The following EPHB2 variants were observed in gnomAD, a reference collection of about 807,000 sequenced individuals.
EPHB2 encodes EPH receptor B2, also known as ephrin type-B receptor 2.
Under a neutral mutation model 96.4 loss-of-function variants are expected in EPHB2, and 18 were observed. That is an observed-to-expected ratio of 0.19 (90% CI 0.13 to 0.28). EPHB2 has a LOEUF of 0.28. Among genes scored for constraint, EPHB2 ranks in the 10% least tolerant of loss-of-function variants. The pLI, the probability that EPHB2 is intolerant of heterozygous loss-of-function variation, is 1.00. For missense variants in EPHB2, 989 were observed against 1,355.4 expected, an observed-to-expected ratio of 0.73 and a Z score of 4.25; for synonymous variants, 506 against 534.1, an observed-to-expected ratio of 0.95 and a Z score of 0.72.
At chr1:22,806,783 GC>G (rs1450524817) in intron 3 of EPHB2, among the ~76,000 whole-genome samples, 1 of 152,244 alleles carries the variant, frequency 6.6e-6, no homozygotes, top group Non-Finnish European at 1.5e-5. Flanking sequence ...AGCCTGCACT[GC>G]CTCCAACCTC....
chr1:22,879,846 G>T (rs908658271), intron 5 of EPHB2, among the ~76,000 whole-genome samples: 1 of 152,260 alleles, frequency 6.6e-6, no homozygotes. Context: ...CCCTGGCAGG[G>T]CAAGGAGCCG....
intron 3 of EPHB2, among the ~76,000 whole-genome samples, chr1:22,847,760 A>G (rs1448930104): frequency 7.0e-6 from 1 of 142,378 alleles, no homozygotes; most frequent in Non-Finnish European, 1.5e-5. Flanking sequence ...ATAATCCCAG[A>G]TCAACTGTCT....
chr1:22,826,042 A>G (rs1464011080), intron 3 of EPHB2, among the ~76,000 whole-genome samples: 2 of 152,096 alleles, frequency 1.3e-5, no homozygotes, highest in African/African-American at 4.8e-5. Flanking sequence ...CAGCTCAGGG[A>G]TTTAAGCTGT....
At chr1:22,776,746 A>G (rs115702545) in intron 1 of EPHB2, among the ~76,000 whole-genome samples, 2,415 of 152,360 alleles carry the variant, frequency 0.016, 71 homozygotes, top group African/African-American at 0.056. Flanking sequence ...AAAAGTAGTA[A>G]CTAAATAATT....
At chr1:22,769,089 T>C (rs1644344707) in intron 1 of EPHB2, among the ~76,000 whole-genome samples, 1 of 152,188 alleles carries the variant, frequency 6.6e-6, no homozygotes, top group Non-Finnish European at 1.5e-5. Flanking sequence ...AAGTTACCAT[T>C]CACTGGCCCC....
chr1:22,717,080 G>C (rs368634307), intron 1 of EPHB2, among the ~76,000 whole-genome samples: 1 of 152,236 alleles, frequency 6.6e-6, no homozygotes, highest in South Asian at 2.1e-4. Flanking sequence ...TGGGAAAGAG[G>C]AAGAGAAACC....
chr1:22,782,817 G>A (rs890458165), intron 2 of EPHB2, among the ~76,000 whole-genome samples: 5 of 152,142 alleles, frequency 3.3e-5, no homozygotes, highest in South Asian at 2.1e-4. Context: ...CTTCAGAGTC[G>A]CCATTGAAGA....
intron 6 of EPHB2, among the ~76,000 whole-genome samples, chr1:22,884,619 C>CA (rs10599403): frequency 0.029 from 2,538 of 87,060 alleles, 50 homozygotes; most frequent in African/African-American, 0.035. Flanking sequence ...GATGCTGTCT[C>CA]AAAAAAAAAA....
At chr1:22,788,447 TGCTGCTGTCACCCAGATGTGAG>T (rs1010777916) in intron 3 of EPHB2, among the ~76,000 whole-genome samples, 3 of 152,248 alleles carry the variant, frequency 2.0e-5, no homozygotes, top group African/African-American at 7.2e-5. Context: ...CTGTGGCCTG[TGCTGCTGTCACCCAGATGTGAG>T]GCTGCTGCAG....
intron 3 of EPHB2, among the ~76,000 whole-genome samples, chr1:22,803,377 C>T (rs1185015023): frequency 6.6e-6 from 1 of 152,018 alleles, no homozygotes; most frequent in Non-Finnish European, 1.5e-5. Flanking sequence ...GAGGCTGAAG[C>T]TGGAGGATCA....
intron 5 of EPHB2, among the ~76,000 whole-genome samples, chr1:22,870,957 T>G (rs1638644801): frequency 6.6e-6 from 1 of 152,196 alleles, no homozygotes; most frequent in Admixed American, 6.5e-5. Flanking sequence ...GCAAGGTGCC[T>G]CCCAGGTTGC....
At chr1:22,775,173 A>G (rs371753251) in intron 1 of EPHB2, 1 of 779,688 alleles carries the variant, frequency 1.3e-6, no homozygotes, top group Non-Finnish European at 2.4e-6. Flanking sequence ...ATGGCATCTT[A>G]AAAATAACAC....
chr1:22,885,573 T>C (rs932395678), intron 6 of EPHB2, among the ~76,000 whole-genome samples: 1 of 152,198 alleles, frequency 6.6e-6, no homozygotes, highest in African/African-American at 2.4e-5. Context: ...CTTCACCCCA[T>C]TGGATGGAAG....
At chr1:22,881,892 C>T (rs1462454528) in intron 5 of EPHB2, among the ~76,000 whole-genome samples, 1 of 152,144 alleles carries the variant, frequency 6.6e-6, no homozygotes, top group Non-Finnish European at 1.5e-5. Context: ...TGCACCCAGC[C>T]ATGTACTAAG....
At chr1:22,904,664 T>G (rs1639852635) in intron 9 of EPHB2, among the ~76,000 whole-genome samples, 1 of 152,232 alleles carries the variant, frequency 6.6e-6, no homozygotes, top group Non-Finnish European at 1.5e-5. Flanking sequence ...TGGGTCTCTC[T>G]TGTAACTACC....
chr1:22,745,935 A>C (rs1312184661), intron 1 of EPHB2, among the ~76,000 whole-genome samples: 3 of 152,070 alleles, frequency 2.0e-5, no homozygotes, highest in Non-Finnish European at 4.4e-5. Flanking sequence ...CCATTTCTAC[A>C]CCTCAGCAGT....
intron 3 of EPHB2, among the ~76,000 whole-genome samples, chr1:22,813,982 C>T (rs138778306): frequency 1.8e-4 from 27 of 152,154 alleles, no homozygotes; most frequent in Non-Finnish European, 2.6e-4. Context: ...CAAGACCAGC[C>T]GGCCAACATG....
At chr1:22,833,125 T>C (rs1037497819) in intron 3 of EPHB2, among the ~76,000 whole-genome samples, 2 of 152,104 alleles carry the variant, frequency 1.3e-5, no homozygotes. Context: ...TCTTTTTCTT[T>C]TTCTTTTTTT....
At chr1:22,736,566 C>T (rs987718598) in intron 1 of EPHB2, among the ~76,000 whole-genome samples, 3 of 152,164 alleles carry the variant, frequency 2.0e-5, no homozygotes, top group Non-Finnish European at 4.4e-5. Flanking sequence ...GTGGGGCCTG[C>T]AGGCCGCGGT....
Sources: allele counts gnomAD v4.1 joint callset (sites outside exome capture counted in the v4.1 genomes callset), GRCh38; gene constraint gnomAD v4.1.1; transcripts MANE v1.5; gene names NCBI Gene and HGNC (gene_info 2026-07-23, HGNC 2026-07-21).